B9D1: variants seen among roughly 807,000 people sequenced by gnomAD.
B9D1 encodes the protein B9 domain-containing protein 1.
Under a neutral mutation model 26.1 loss-of-function variants are expected in B9D1, and 20 were observed. The ratio of observed to expected loss-of-function variants is 0.77; its 90% CI spans 0.54 to 1.12. The LOEUF is 1.12. Ranked by LOEUF, B9D1 falls within the 50% of genes most tolerant of loss-of-function variation. The probability of loss-of-function intolerance (pLI) is 0.00; values close to 1 mark genes in which losing one functional copy is unlikely to be tolerated. For synonymous variants in B9D1, 105 were observed against 103.1 expected (o/e 1.02, Z -0.11); for missense variants, 260 against 273.7 (o/e 0.95, Z 0.35).
At chr17:19,354,334 A>G (rs1475286095) in intron 3 of B9D1, among the ~76,000 whole-genome samples, 2 of 152,146 alleles carry the variant, frequency 1.3e-5, no homozygotes, top group African/African-American at 2.4e-5. Flanking sequence ...AACTCTTCCT[A>G]CTTGTGAGGA....
chr17:19,355,444 G>A (rs1910196939), intron 3 of B9D1, among the ~76,000 whole-genome samples: 1 of 151,284 alleles, frequency 6.6e-6, no homozygotes, highest in South Asian at 2.1e-4. Context: ...CATAAGAATC[G>A]CTTGAATCCA....
chr17:19,370,683 G>A lies in B9D1; in HGVS notation c.-298+7176C>T, dbSNP rs2152283761. ...GCTGTGCTGAATGGTGGAAGCAGGG[G>A]TGAGGCCCCGAGAGGTGTCTGGAGC... On this transcript the variant is annotated intron_variant, in intron 1 of 5. Transcript: ENST00000477478. This position sits in a 1 kb window ranked among gnomAD's most constrained non-coding sequence, Gnocchi z 5.1. 6.6e-6 allele frequency among the ~76,000 whole-genome samples: 1 copy of A among 152,328 alleles called. No individual in the cohort carries two copies. The highest frequency in any genetic ancestry group is 2.1e-4 in the South Asian group (1 of 4,828).
downstream of B9D1, among the ~76,000 whole-genome samples, chr17:19,337,138 C>T (rs1419640884): frequency 2.6e-5 from 4 of 152,224 alleles, no homozygotes; most frequent in Non-Finnish European, 5.9e-5. Context: ...CACTGCCTGT[C>T]AGCTGAGGCA....
At chr17:19,336,416 T>C (rs1265135847), downstream of B9D1, 1 of 152,486 alleles carries the variant, frequency 6.6e-6, no homozygotes, top group Non-Finnish European at 1.5e-5. Context: ...GATGTGACTT[T>C]GAGGCCCCAA....
rs77187604 is a variant in B9D1 at position 19,372,515 on chromosome 17, G to A, written c.-298+5344C>T. Among the ~76,000 whole-genome samples, 987 of 152,220 alleles carry A rather than the reference G, an allele frequency of 6.5e-3. 51 individuals carry two copies. In the East Asian group the frequency reaches 0.12, roughly 18 times the overall value. The stretch of plus-strand genomic sequence containing the variant: ...ACTGTCCCTCTGCTGCCGCATGCTC[G>A]TCTATTAGGTCCTGACTTACATGTC... On this transcript the variant is annotated intron_variant, in intron 1 of 5. Coordinates refer to the B9D1 transcript ENST00000477478. This position sits in a 1 kb window ranked among gnomAD's most constrained non-coding sequence, Gnocchi z 4.4.
At chr17:19,335,228 CT>C, downstream of B9D1, 3 of 504,514 alleles carry the variant, frequency 5.9e-6, no homozygotes, top group South Asian at 5.9e-5. Flanking sequence ...CTTTTCCTTT[CT>C]TTAGCTCCTG....
At chr17:19,373,396 CTT>C (rs548540542) in intron 1 of B9D1, among the ~76,000 whole-genome samples, 5 of 145,104 alleles carry the variant, frequency 3.4e-5, no homozygotes, top group African/African-American at 2.5e-5. Context: ...CTTTTTTTTA[CTT>C]TTTTTTTTTT....
intron 3 of B9D1, among the ~76,000 whole-genome samples, chr17:19,354,351 A>G (rs570567603): frequency 6.6e-6 from 1 of 152,340 alleles, no homozygotes; most frequent in African/African-American, 2.4e-5. Flanking sequence ...AGGAATTTCA[A>G]AGTAAATCAC....
chr17:19,340,033 A>ACCCCCC (rs56279237), downstream of B9D1, among the ~76,000 whole-genome samples: 3 of 110,590 alleles, frequency 2.7e-5, no homozygotes, highest in Non-Finnish European at 3.5e-5. Context: ...CACATGCCCA[A>ACCCCCC]CCCCCCCCCC....
chr17:19,368,064 A>G (rs1051953727), intron 1 of B9D1, among the ~76,000 whole-genome samples: 4 of 152,190 alleles, frequency 2.6e-5, no homozygotes, highest in African/African-American at 9.6e-5. Context: ...GGGGAGAGAC[A>G]ACTCGGATCC....
At chr17:19,336,913 T>C (rs1271305363), downstream of B9D1, among the ~76,000 whole-genome samples, 2 of 152,090 alleles carry the variant, frequency 1.3e-5, no homozygotes, top group East Asian at 3.9e-4. Context: ...GGCGTGCCTT[T>C]TGTGAGGTGC....
At chr17:19,335,424 A>G (rs1273628629), downstream of B9D1, 1 of 1,550,020 alleles carries the variant, frequency 6.5e-7, no homozygotes, top group African/African-American at 1.4e-5. Flanking sequence ...GATTAACAGG[A>G]CTTCTGTTTA....
intron 5 of B9D1, chr17:19,346,942 C>T (rs1908885559): frequency 2.0e-6 from 3 of 1,474,010 alleles, no homozygotes; most frequent in African/African-American, 2.8e-5. Flanking sequence ...CTGACTCATA[C>T]TGCTATATCC....
intron 3 of B9D1, among the ~76,000 whole-genome samples, chr17:19,348,503 CT>C (rs941199075): frequency 6.6e-6 from 1 of 152,198 alleles, no homozygotes; most frequent in African/African-American, 2.4e-5. Context: ...GCAGCCACGA[CT>C]GAGGCAAGTT....
downstream of B9D1, chr17:19,336,230 GTGGC>G (rs2080957960): frequency 6.6e-6 from 1 of 152,430 alleles, no homozygotes; most frequent in African/African-American, 2.4e-5. Context: ...GGGTAAGCCG[GTGGC>G]TGGTCTCGTC....
In B9D1 at chr17:19,353,758, T is replaced by C. The variant is rs575272229; in HGVS notation, c.244+4082A>G. Among the ~76,000 whole-genome samples the C allele has an allele frequency of 3.2e-4, 49 of 152,144 alleles. No individual in the cohort carries two copies. In the South Asian group the frequency reaches 9.5e-3, roughly 30 times the overall value. On this transcript the variant is annotated intron_variant, in intron 3 of 6. Transcript: ENST00000261499. ...GAGTTCGAGACCAGCATGACCAACA[T>C]GGAAAAATCCTGTCTCTACTAAAAA...
chr17:19,365,747 T>G (rs998568114), upstream of B9D1, among the ~76,000 whole-genome samples: 2 of 152,172 alleles, frequency 1.3e-5, no homozygotes, highest in African/African-American at 2.4e-5. This position sits in a 1 kb window ranked among gnomAD's most constrained non-coding sequence, Gnocchi z 5.0. Context: ...GAAAGTCCTT[T>G]AACCTCTCGG....
downstream of B9D1, chr17:19,343,067 G>T: frequency 1.4e-6 from 2 of 1,393,884 alleles, no homozygotes; most frequent in East Asian, 5.4e-5. Context: ...ACGGCACAAG[G>T]GGTAGGGACA....
rs376210489 is a variant in B9D1 at position 19,353,426 on chromosome 17, T to G, written c.244+4414A>C. ...GCTGAGGTGGGTGGATCACCTGATG[T>G]CAGGAGTTGAGACCAGCCTGGCCAA... is the stretch of plus-strand genomic sequence containing the variant. On this transcript the variant is annotated intron_variant, in intron 3 of 6. Coordinates refer to ENST00000261499, the MANE Select transcript of B9D1 (RefSeq NM_015681.6). Among the ~76,000 whole-genome samples, 9 of 150,654 alleles carry G rather than the reference T, an allele frequency of 6.0e-5. No homozygotes were observed. The East Asian group carries it at 1.0e-3, about 17-fold the overall frequency.
Sources: allele counts gnomAD v4.1 joint callset (sites outside exome capture counted in the v4.1 genomes callset), GRCh38; gene constraint gnomAD v4.1.1; non-coding constraint Gnocchi (gnomAD v3.1); transcripts MANE v1.5; gene names NCBI Gene and HGNC (gene_info 2026-07-23, HGNC 2026-07-21).